The following CFAP52 variants were observed in gnomAD, a reference collection of about 807,000 sequenced individuals.
CFAP52 encodes the protein cilia and flagella associated protein 52, also known as cilia- and flagella-associated protein 52.
In CFAP52, 57 loss-of-function variants were observed where a neutral mutation model predicts 70.5. The observed-to-expected ratio is 0.81, with a 90% confidence interval of 0.65 to 1.01. CFAP52 has a LOEUF of 1.01. Among genes scored for constraint, CFAP52 ranks in the 50% least tolerant of loss-of-function variants. The pLI is 0.00. For missense variants in CFAP52, 785 were observed against 788.5 expected (o/e 1.00, Z 0.05); for synonymous variants, 267 against 292.5 (o/e 0.91, Z 0.89).
chr17:9,609,566 C>T (rs1381896621), intron 7 of CFAP52, among the ~76,000 whole-genome samples: 2 of 152,164 alleles, frequency 1.3e-5, no homozygotes, highest in Admixed American at 6.5e-5. Context: ...TGTGGTGGCA[C>T]ATACCTGTAG....
Position 9,643,079 on chromosome 17 carries a change from G to T in CFAP52, c.1744G>T (p.Val582Phe). 3 of 1,612,510 alleles carry T rather than the reference G, an allele frequency of 1.9e-6. No homozygotes were observed. Among genetic ancestry groups the T allele is most frequent in the Non-Finnish European group, 2.5e-6 (3 of 1,179,414 alleles). ...TTATAATGAGGGTGAAGTGACTCAC[G>T]TTGGGGTGGGACACAGTGGCAACAT... ...WDYNEGEVTH[V>F]GVGHSGNITR... The change falls in exon 14 of 14, where the codon GTT becomes TTT. Residue 582 changes from valine to phenylalanine, a missense_variant. Transcript: ENST00000352665.
chr17:9,597,538 C>A (rs919436276), intron 4 of CFAP52: 4 of 152,216 alleles, frequency 2.6e-5, no homozygotes, highest in Non-Finnish European at 5.9e-5. Context: ...GGCGTTGTAG[C>A]TTATGCCTGT....
downstream of CFAP52, chr17:9,645,016 G>C (rs1003622547): frequency 6.6e-6 from 1 of 152,214 alleles, no homozygotes; most frequent in African/African-American, 2.4e-5. The surrounding 1 kb of genome is among the most constrained non-coding windows in gnomAD (Gnocchi z 6.8). Flanking sequence ...CCGGGTTGGC[G>C]GGTGCAGGCA....
At chr17:9,590,919 T>C (rs1908718126) in intron 3 of CFAP52, among the ~76,000 whole-genome samples, 1 of 151,872 alleles carries the variant, frequency 6.6e-6, no homozygotes, top group Admixed American at 6.6e-5. Flanking sequence ...GGGTCAACCC[T>C]GAATGTGTGG....
chr17:9,623,686 GT>G (rs1910131924), intron 8 of CFAP52, among the ~76,000 whole-genome samples: 3 of 151,826 alleles, frequency 2.0e-5, no homozygotes, highest in African/African-American at 7.3e-5. Context: ...TTGTTTGTTT[GT>G]TTGTTTGTTT....
At chr17:9,594,077 T>C in intron 3 of CFAP52, 116 bp from the exon 4 acceptor site, 1 of 1,418,818 alleles carries the variant, frequency 7.0e-7, no homozygotes. Flanking sequence ...TTGTTGTTCG[T>C]TTTTAAGTAA....
At chr17:9,577,295 A>G (rs1028265143) in intron 1 of CFAP52, among the ~76,000 whole-genome samples, 1 of 152,178 alleles carries the variant, frequency 6.6e-6, no homozygotes, top group Non-Finnish European at 1.5e-5. Flanking sequence ...ATCCTAAGGA[A>G]GGTTTCTAAA....
At chr17:9,584,410 A>G in intron 1 of CFAP52, 1 of 1,260,424 alleles carries the variant, frequency 7.9e-7, no homozygotes, top group Non-Finnish European at 1.0e-6. Flanking sequence ...TAAAAAAATT[A>G]TTTTCCTGGT....
At chr17:9,587,531 G>C (rs1433251945) in intron 3 of CFAP52, among the ~76,000 whole-genome samples, 1 of 152,082 alleles carries the variant, frequency 6.6e-6, no homozygotes, top group Admixed American at 6.6e-5. Flanking sequence ...ACCAGCATCT[G>C]TTATTTTTTG....
At chr17:9,610,677 G>T (rs1185714361) in intron 7 of CFAP52, among the ~76,000 whole-genome samples, 1 of 152,132 alleles carries the variant, frequency 6.6e-6, no homozygotes, top group Admixed American at 6.6e-5. Context: ...TGGGATTACA[G>T]GTGCCCGCCA....
At chr17:9,604,704 C>T (rs1845299925) in intron 6 of CFAP52, among the ~76,000 whole-genome samples, 1 of 151,472 alleles carries the variant, frequency 6.6e-6, no homozygotes, top group Non-Finnish European at 1.5e-5. Flanking sequence ...GCAGTGAGAT[C>T]ACGCCATTGC....
intron 2 of CFAP52, 59 bp downstream of exon 2, chr17:9,586,031 C>A: frequency 6.5e-7 from 1 of 1,547,412 alleles, no homozygotes; most frequent in Non-Finnish European, 8.9e-7. Context: ...CCTAGAAGAA[C>A]TGCCCCACTT....
At chr17:9,594,501 G>T in intron 4 of CFAP52, 180 bp downstream of exon 4, 1 of 711,430 alleles carries the variant, frequency 1.4e-6, no homozygotes, top group South Asian at 3.5e-5. Flanking sequence ...TTTCACTATA[G>T]TTATTTTAAA....
chr17:9,594,386 T>C (rs1273305830), intron 4 of CFAP52, 65 bp downstream of exon 4: 2 of 1,563,012 alleles, frequency 1.3e-6, no homozygotes, highest in Non-Finnish European at 1.7e-6. Flanking sequence ...ACAGAAAACA[T>C]GGTCATTCTG....
intron 5 of CFAP52, among the ~76,000 whole-genome samples, chr17:9,598,777 A>G (rs1043897236): frequency 1.5e-4 from 22 of 151,680 alleles, no homozygotes; most frequent in African/African-American, 4.8e-4. Flanking sequence ...AAAAGAAGAA[A>G]AAGTTCACCT....
chr17:9,641,708 C>A lies in CFAP52; in HGVS notation c.1576-16C>A. 6.3e-7 allele frequency: 1 copy of A among 1,596,540 alleles called. No individual in the cohort carries two copies. Among genetic ancestry groups the A allele is most frequent in the East Asian group, 2.2e-5 (1 of 44,746 alleles). ...CTGAGCTGAGTCCTGCTTAATGCTTCTTTCCTGAATTCCAGATTGCTTACT... is the reference window on the plus strand; with the variant it reads ...CTGAGCTGAGTCCTGCTTAATGCTTATTTCCTGAATTCCAGATTGCTTACT... On this transcript the variant is annotated splice_polypyrimidine_tract_variant and intron_variant, in intron 12 of 13. Transcript: ENST00000352665.
intron 12 of CFAP52, chr17:9,639,241 C>T (rs1011927931): frequency 6.6e-6 from 1 of 152,548 alleles, no homozygotes; most frequent in Admixed American, 6.5e-5. Flanking sequence ...ACCAGCCTAG[C>T]CAACATGGTG....
Position 9,636,179 on chromosome 17 carries a change from AAAAGAAAGAAAGAAAGAAAG to A in CFAP52, c.1472+677_1472+696del, listed in dbSNP as rs60584008. On this transcript the variant is annotated intron_variant, in intron 11 of 13. Coordinates refer to ENST00000352665, the MANE Select transcript of CFAP52 (RefSeq NM_145054.5). Reference sequence around the variant, plus strand: ...ACAAGAGTGAAACTCTGTCTCAAAAAAAAGAAAGAAAGAAAGAAAGAAAGAAAGAAAGAAAGAAAGAAAGA... The same window carrying A: ...ACAAGAGTGAAACTCTGTCTCAAAAAAAAGAAAGAAAGAAAGAAAGAAAGA... Among the ~76,000 whole-genome samples the A allele has an allele frequency of 3.1e-3, 304 of 99,170 alleles. 1 individual carries two copies. The highest frequency in any genetic ancestry group is 4.9e-3 in the Middle Eastern group (1 of 204). 65.1% of individuals were successfully genotyped at this position (99,170 alleles called of 152,430 possible). A position where few individuals can be genotyped will look rare whatever the true frequency, so the allele number is the denominator to read the frequency against.
chr17:9,628,677 C>T lies in CFAP52; in HGVS notation c.1031C>T (p.Thr344Ile). Residue 344 changes from threonine (T) to isoleucine (I), a missense_variant, in exon 9 of 14, where the codon ACT (threonine) becomes ATT (isoleucine). Transcript: ENST00000352665. ...TCTTGATGGCTTCCTTGCAGTGGCA[C>T]TGCTGAGCTATTTGCAACCTGTGCC... ...AVEDIVFPFG[T>I]AELFATCAKK... 7 of 1,613,752 alleles carry T rather than the reference C, an allele frequency of 4.3e-6. No individual in the cohort carries two copies. Among genetic ancestry groups the T allele is most frequent in the Non-Finnish European group, 5.9e-6 (7 of 1,179,720 alleles).
Sources: gnomAD v4.1 joint callset for allele counts (sites outside exome capture counted in the v4.1 genomes callset) on GRCh38, gnomAD v4.1.1 for gene constraint, Gnocchi (gnomAD v3.1) non-coding constraint, MANE v1.5 for transcripts, NCBI Gene and HGNC (gene_info 2026-07-23, HGNC 2026-07-21) for gene names.